TM7SF3: variants seen among roughly 807,000 people sequenced by gnomAD.
TM7SF3 encodes the protein transmembrane 7 superfamily member 3, also known as seven span transmembrane protein.
TM7SF3 carries 60 observed loss-of-function variants against 65.5 expected under a neutral mutation model. That is an observed-to-expected ratio of 0.92 (90% CI 0.74 to 1.14). TM7SF3 has a LOEUF of 1.14. TM7SF3 is among the 50% of genes most tolerant of loss of function. The pLI, the probability that TM7SF3 is intolerant of heterozygous loss-of-function variation, is 0.00. For missense variants in TM7SF3, 623 were observed against 684.8 expected (o/e 0.91, Z 1.01); for synonymous variants, 264 against 259.6 (o/e 1.02, Z -0.16).
chr12:26,998,418 C>T (rs1940692807), intron 3 of TM7SF3, among the ~76,000 whole-genome samples: 1 of 152,164 alleles, frequency 6.6e-6, no homozygotes, highest in Admixed American at 6.5e-5. Flanking sequence ...GCATTTCCAT[C>T]CAAATGTCCT....
chr12:27,013,345 A>G (rs1394490384), intron 1 of TM7SF3, among the ~76,000 whole-genome samples: 3 of 152,204 alleles, frequency 2.0e-5, no homozygotes, highest in Non-Finnish European at 4.4e-5. Context: ...TCGATTAGAA[A>G]TTTCTTGCCC....
In TM7SF3 at chr12:26,974,136, G is replaced by C. The variant is rs769435487; in HGVS notation, c.1542C>G (p.Pro514=). The change falls in exon 12 of 12, where the codon CCC becomes CCG. Residue 514 remains proline, a synonymous_variant. Coordinates refer to ENST00000343028, the MANE Select transcript of TM7SF3 (RefSeq NM_016551.3). ...CTTGCTTCCATAACTTGTATGGGTGGGGAGGGAAGAACGGTCGTCCTCTCT... is the reference window on the plus strand; with the variant it reads ...CTTGCTTCCATAACTTGTATGGGTGCGGAGGGAAGAACGGTCGTCCTCTCT... ...RRERGRPFFP[P]HPYKLWKQER... 20 of 1,614,032 alleles carry C rather than the reference G, an allele frequency of 1.2e-5. No homozygotes were observed. Among genetic ancestry groups the C allele is most frequent in the African/African-American group, 4.0e-5 (3 of 74,902 alleles).
chr12:26,997,176 C>T (rs1232186309), intron 3 of TM7SF3, among the ~76,000 whole-genome samples: 1 of 152,094 alleles, frequency 6.6e-6, no homozygotes, highest in Non-Finnish European at 1.5e-5. Flanking sequence ...CAGCCACAGG[C>T]AATACGTACA....
intron 4 of TM7SF3, 66 bp downstream of exon 4, chr12:26,996,676 C>G: frequency 3.3e-6 from 5 of 1,510,286 alleles, no homozygotes; most frequent in Non-Finnish European, 4.4e-6. Flanking sequence ...GAGAGCTGGT[C>G]AAATCTACAC....
intron 1 of TM7SF3, among the ~76,000 whole-genome samples, chr12:27,004,713 A>T (rs1056384317): frequency 6.6e-6 from 1 of 152,234 alleles, no homozygotes. Flanking sequence ...TAACCTCTAT[A>T]TATTTTCCCT....
At chr12:27,003,780 AC>A (rs1472274877) in intron 1 of TM7SF3, among the ~76,000 whole-genome samples, 1 of 152,230 alleles carries the variant, frequency 6.6e-6, no homozygotes, top group Non-Finnish European at 1.5e-5. Flanking sequence ...AAGAACCATA[AC>A]CGTCTAGTGA....
At chr12:26,977,908 T>C (rs1056902352) in intron 9 of TM7SF3, 2 of 305,928 alleles carry the variant, frequency 6.5e-6, no homozygotes, top group African/African-American at 4.5e-5. Context: ...AAGACCACCC[T>C]AGGCAACAGT....
chr12:27,004,286 C>A (rs1459609240), intron 1 of TM7SF3, among the ~76,000 whole-genome samples: 1 of 152,168 alleles, frequency 6.6e-6, no homozygotes, highest in Non-Finnish European at 1.5e-5. Flanking sequence ...CCCCACCCCC[C>A]ATCCTACAGT....
At chr12:26,987,563 A>G (rs1940155641) in intron 6 of TM7SF3, among the ~76,000 whole-genome samples, 1 of 152,252 alleles carries the variant, frequency 6.6e-6, no homozygotes, top group South Asian at 2.1e-4. Context: ...CTACAGGTCC[A>G]GGTTTAAAAT....
chr12:26,999,869 T>C, intron 2 of TM7SF3, 193 bp from the exon 3 acceptor site: 6 of 536,118 alleles, frequency 1.1e-5, no homozygotes, highest in Non-Finnish European at 2.0e-5. Context: ...AAAAGCATTC[T>C]TGAAAAATAT....
chr12:27,001,256 G>T (rs1940820483), intron 2 of TM7SF3, among the ~76,000 whole-genome samples: 1 of 152,130 alleles, frequency 6.6e-6, no homozygotes, highest in South Asian at 2.1e-4. Context: ...GGCAGTCCAA[G>T]AAATAAAATG....
intron 5 of TM7SF3, among the ~76,000 whole-genome samples, chr12:26,992,803 C>T (rs1940428196): frequency 6.6e-6 from 1 of 151,858 alleles, no homozygotes; most frequent in Non-Finnish European, 1.5e-5. Context: ...AGTCAGGGAC[C>T]ATCTGTATAA....
At chr12:26,995,073 T>C (rs1565879944) in intron 5 of TM7SF3, among the ~76,000 whole-genome samples, 164 bp downstream of exon 5, 1 of 152,158 alleles carries the variant, frequency 6.6e-6, no homozygotes, top group Non-Finnish European at 1.5e-5. Context: ...CATTTTGAGA[T>C]ATCACCAGCA....
At position 27,014,177 on chromosome 12, in the gene TM7SF3, G is replaced by A. The variant is rs1303605667; in HGVS notation, c.-9C>T. On this transcript the variant is annotated 5_prime_UTR_variant, in exon 1 of 12. Transcript: ENST00000343028. Reference sequence around the variant, plus strand: ...AGCTGCAGGAACCCCATTGCTGCCTGGGCCGGGCTGGGCCCACGCCAGGGC... The same window carrying A: ...AGCTGCAGGAACCCCATTGCTGCCTAGGCCGGGCTGGGCCCACGCCAGGGC... 6.4e-7 allele frequency: 1 copy of A among 1,552,916 alleles called. No individual in the cohort carries two copies. Among genetic ancestry groups the A allele is most frequent in the East Asian group, 2.4e-5 (1 of 41,342 alleles).
intron 2 of TM7SF3, among the ~76,000 whole-genome samples, chr12:27,000,308 T>G (rs960148617): frequency 6.6e-6 from 1 of 152,180 alleles, no homozygotes; most frequent in African/African-American, 2.4e-5. Flanking sequence ...TTCAATTAAT[T>G]TGAATTAAGA....
intron 8 of TM7SF3, 87 bp from the exon 9 acceptor site, chr12:26,980,023 A>C: frequency 6.6e-7 from 1 of 1,504,406 alleles, no homozygotes; most frequent in Non-Finnish European, 9.1e-7. Flanking sequence ...TACCAGTGCC[A>C]GCTTCAGCTT....
At chr12:26,983,213 CA>C (rs1939891824) in intron 6 of TM7SF3, among the ~76,000 whole-genome samples, 2 of 68,100 alleles carry the variant, frequency 2.9e-5, no homozygotes, top group East Asian at 1.0e-3. Context: ...ACTGCATGGA[CA>C]AAAGGTGGCA....
intron 6 of TM7SF3, among the ~76,000 whole-genome samples, chr12:26,986,590 A>AT (rs922365307): frequency 1.9e-4 from 28 of 150,596 alleles, no homozygotes; most frequent in African/African-American, 4.4e-4. Flanking sequence ...AGTGTCACTG[A>AT]TTTTTTTTTT....
chr12:26,993,666 C>T (rs1940472067), intron 5 of TM7SF3, among the ~76,000 whole-genome samples: 1 of 152,110 alleles, frequency 6.6e-6, no homozygotes, highest in Non-Finnish European at 1.5e-5. Context: ...TATCCTGTTC[C>T]CCAAAAACCT....
Sources: gnomAD v4.1 joint callset for allele counts (sites outside exome capture counted in the v4.1 genomes callset) on GRCh38, gnomAD v4.1.1 for gene constraint, MANE v1.5 for transcripts, NCBI Gene and HGNC (gene_info 2026-07-23, HGNC 2026-07-21) for gene names.